FGF14: variants seen among roughly 807,000 people sequenced by gnomAD.
The protein encoded by FGF14 is fibroblast growth factor homologous factor 4.
In FGF14, 5 loss-of-function variants were observed where a neutral mutation model predicts 25.5. The observed-to-expected ratio is 0.20, with a 90% CI of 0.10 to 0.41. The LOEUF (loss-of-function observed/expected upper bound fraction) is 0.41. Ranked by LOEUF, FGF14 falls within the 10% of genes least tolerant of loss-of-function variation. FGF14 has a pLI of 1.00. For synonymous variants in FGF14, 138 were observed against 118.3 expected, an observed-to-expected ratio of 1.17 and a Z score of -1.08; for missense variants, 222 against 320.1, an observed-to-expected ratio of 0.69 and a Z score of 2.34.
intron 1 of FGF14, among the ~76,000 whole-genome samples, chr13:102,260,941 G>A (rs1226809942): frequency 1.3e-5 from 2 of 152,124 alleles, no homozygotes; most frequent in Admixed American, 6.6e-5. Flanking sequence ...CTCCCATTGT[G>A]CCCGCTATTG....
At chr13:102,118,933 GGAGTAA>G (rs1321677235) in intron 1 of FGF14, among the ~76,000 whole-genome samples, 2 of 152,048 alleles carry the variant, frequency 1.3e-5, no homozygotes, top group African/African-American at 4.8e-5. Flanking sequence ...TTACGTTGCT[GGAGTAA>G]GAGTAGTTCA....
intron 1 of FGF14, among the ~76,000 whole-genome samples, chr13:101,950,186 G>A (rs1370028097): frequency 2.0e-5 from 3 of 152,058 alleles, no homozygotes; most frequent in East Asian, 1.9e-4. Flanking sequence ...GCCACTCAAC[G>A]AGTCTATAAT....
intron 1 of FGF14, among the ~76,000 whole-genome samples, chr13:102,030,376 T>C (rs2041151188): frequency 1.3e-5 from 2 of 151,954 alleles, no homozygotes; most frequent in Non-Finnish European, 2.9e-5. Context: ...GGTCAGTTTG[T>C]GTAGATATGG....
intron 1 of FGF14, among the ~76,000 whole-genome samples, chr13:102,139,575 C>T (rs2046551855): frequency 6.6e-6 from 1 of 152,054 alleles, no homozygotes; most frequent in African/African-American, 2.4e-5. Context: ...ATGAGCAATG[C>T]TCCACGGATG....
intron 1 of FGF14, among the ~76,000 whole-genome samples, chr13:102,147,498 G>A (rs1270074072): frequency 3.3e-5 from 5 of 152,182 alleles, no homozygotes; most frequent in Non-Finnish European, 7.4e-5. Flanking sequence ...ACACAAGGAA[G>A]GCAGACAAAC....
At position 101,916,492 on chromosome 13, in the gene FGF14, G is replaced by C. The variant is rs987890018; in HGVS notation, c.154C>G (p.Arg52Gly). 1 of 1,613,944 alleles carries C rather than the reference G, an allele frequency of 6.2e-7. No individual in the cohort carries two copies. The highest frequency in any genetic ancestry group is 1.1e-5 in the South Asian group (1 of 91,084). The change falls in exon 1 of 5, where the codon CGC becomes GGC. Residue 52 changes from arginine (R) to glycine (G), a missense_variant. Coordinates refer to ENST00000376143, the MANE Select transcript of FGF14 (RefSeq NM_004115.4). ...GNLVDIFSKV[R>G]IFGLKKRRLR... is the part of the protein sequence containing the mutation. Reference sequence around the variant, plus strand: ...CTGCGCTTCTTGAGGCCGAAGATGCGCACTTTGGAGAAGATATCCACCAGG... The same window carrying C: ...CTGCGCTTCTTGAGGCCGAAGATGCCCACTTTGGAGAAGATATCCACCAGG...
At chr13:102,304,071 C>G (rs1052747367) in intron 1 of FGF14, among the ~76,000 whole-genome samples, 1 of 152,050 alleles carries the variant, frequency 6.6e-6, no homozygotes, top group Non-Finnish European at 1.5e-5. Context: ...AATCAGTTTG[C>G]CAAGTCACTA....
chr13:101,817,659 G>A (rs1427434167), intron 3 of FGF14, among the ~76,000 whole-genome samples: 1 of 152,148 alleles, frequency 6.6e-6, no homozygotes, highest in Non-Finnish European at 1.5e-5. Context: ...AAATAAAGAG[G>A]TTACATTCAG....
chr13:102,077,147 C>G lies in FGF14; in HGVS notation c.209-201851G>C, dbSNP rs573762583. Among the ~76,000 whole-genome samples, 7 of 152,134 alleles carry G rather than the reference C, an allele frequency of 4.6e-5. No individual in the cohort carries two copies. In the South Asian group the frequency reaches 8.3e-4, roughly 18 times the overall value. On this transcript the variant is annotated intron_variant, in intron 1 of 4. Coordinates refer to the FGF14 transcript ENST00000376131. The stretch of plus-strand genomic sequence containing the variant: ...ATTGGCTCAAAATGGAAGACTTAAC[C>G]TAATAAATCTTAAACATTTGAATGT...
At chr13:102,196,964 T>G (rs1014202835) in intron 1 of FGF14, among the ~76,000 whole-genome samples, 2 of 151,720 alleles carry the variant, frequency 1.3e-5, no homozygotes, top group African/African-American at 4.8e-5. Context: ...TTGGTTTTTT[T>G]TTTTCTGCTC....
rs79078455 is a variant in FGF14, at chr13:101,833,615, A to G, written c.408+35110T>C. Among the ~76,000 whole-genome samples the G allele has an allele frequency of 1.9e-3, 286 of 152,194 alleles. 9 individuals are homozygous for G. In the East Asian group the frequency reaches 0.05, roughly 27 times the overall value. ...GAAATACTGCTCTGTGTGTATATACATATATACAGACAGATAGGTGTGTGT... is the reference window on the plus strand; with the variant it reads ...GAAATACTGCTCTGTGTGTATATACGTATATACAGACAGATAGGTGTGTGT... On this transcript the variant is annotated intron_variant, in intron 3 of 4. Coordinates refer to ENST00000376143, the MANE Select transcript of FGF14 (RefSeq NM_004115.4).
intron 1 of FGF14, among the ~76,000 whole-genome samples, chr13:101,978,763 GCCA>G (rs1257012806): frequency 2.0e-5 from 3 of 152,150 alleles, no homozygotes; most frequent in East Asian, 3.9e-4. Flanking sequence ...CTCTTATCAG[GCCA>G]CCAAGGGGTA....
At chr13:102,100,838 G>A (rs1165897917) in intron 1 of FGF14, among the ~76,000 whole-genome samples, 1 of 152,166 alleles carries the variant, frequency 6.6e-6, no homozygotes, top group South Asian at 2.1e-4. Context: ...GGTGGCTCAC[G>A]CCTGTAATCC....
chr13:102,060,513 G>A (rs866380335), intron 1 of FGF14, among the ~76,000 whole-genome samples: 8 of 152,208 alleles, frequency 5.3e-5, no homozygotes, highest in East Asian at 1.9e-4. Flanking sequence ...GCAATAGAGC[G>A]AGACTCTGTC....
chr13:102,276,276 C>G (rs1572465), intron 1 of FGF14, among the ~76,000 whole-genome samples: 1 of 140,756 alleles, frequency 7.1e-6, no homozygotes, highest in Non-Finnish European at 1.5e-5. Context: ...TTCTGGAAAT[C>G]TCTGTCTTCC....
chr13:101,782,749 A>G (rs1010816018), intron 3 of FGF14, among the ~76,000 whole-genome samples: 3 of 152,172 alleles, frequency 2.0e-5, no homozygotes, highest in Non-Finnish European at 4.4e-5. Context: ...ATGGTATTCT[A>G]TGGTGTATAT....
intron 3 of FGF14, among the ~76,000 whole-genome samples, chr13:101,817,918 A>C (rs1410233809): frequency 1.3e-5 from 2 of 152,208 alleles, no homozygotes; most frequent in Non-Finnish European, 2.9e-5. Context: ...TAAAAATATT[A>C]GTTACCACGT....
chr13:102,193,741 A>G (rs1207744957), intron 1 of FGF14, among the ~76,000 whole-genome samples: 4 of 152,218 alleles, frequency 2.6e-5, no homozygotes, highest in African/African-American at 9.6e-5. Context: ...AAAGAACAAC[A>G]ATAACAAACA....
intron 3 of FGF14, among the ~76,000 whole-genome samples, chr13:101,779,659 G>T (rs1401408230): frequency 6.6e-6 from 1 of 152,044 alleles, no homozygotes; most frequent in Non-Finnish European, 1.5e-5. Flanking sequence ...TAATCTGAAG[G>T]TATAAATATT....
Sources: gnomAD v4.1 joint callset for allele counts (sites outside exome capture counted in the v4.1 genomes callset) on GRCh38, gnomAD v4.1.1 for gene constraint, MANE v1.5 for transcripts, NCBI Gene and HGNC (gene_info 2026-07-23, HGNC 2026-07-21) for gene names.